The following TCF25 variants were observed in gnomAD, a reference collection of about 807,000 sequenced individuals.
TCF25 encodes TCF25 ribosome quality control complex subunit, also known as ribosome quality control complex subunit TCF25.
Under a neutral mutation model 83.1 loss-of-function variants are expected in TCF25, and 41 were observed. That is an observed-to-expected ratio of 0.49 (90% CI 0.38 to 0.64). TCF25 has a LOEUF of 0.64. TCF25 is among the 30% of genes least tolerant of loss of function. The pLI, the probability that TCF25 is intolerant of heterozygous loss-of-function variation, is 0.00. For missense variants in TCF25, 979 were observed against 914.5 expected (o/e 1.07, Z -0.91); for synonymous variants, 458 against 365.0 (o/e 1.25, Z -2.90).
chr16:89,900,159 C>G (rs1302602421), intron 11 of TCF25, among the ~76,000 whole-genome samples: 1 of 151,918 alleles, frequency 6.6e-6, no homozygotes, highest in South Asian at 2.1e-4. Flanking sequence ...AGTCACATGT[C>G]TACAATATGT....
At chr16:89,886,485 G>T (rs889421045) in intron 4 of TCF25, among the ~76,000 whole-genome samples, 1 of 151,118 alleles carries the variant, frequency 6.6e-6, no homozygotes, top group Non-Finnish European at 1.5e-5. Flanking sequence ...GAAATAGGCC[G>T]GGCCCGGTGG....
chr16:89,873,785 A>C lies in TCF25; in HGVS notation c.118A>C (p.Lys40Gln). 6.2e-7 allele frequency: 1 copy of C among 1,607,456 alleles called. No individual in the cohort carries two copies. The highest frequency in any genetic ancestry group is 8.5e-7 in the Non-Finnish European group (1 of 1,177,760). The stretch of plus-strand genomic sequence containing the variant: ...CGATGACGCGGAAGAAGAAGGGCCC[A>C]AGCGGGAGCTTGGTGTCCGGCGTCC... ...DDDDAEEEGP[K>Q]RELGVRRPGG... Residue 40 changes from lysine to glutamine, a missense_variant, in exon 1 of 18, where the codon AAG becomes CAG. Transcript: ENST00000263346.
intron 1 of TCF25, chr16:89,878,454 T>TTG (rs1264727703): frequency 1.6e-6 from 2 of 1,247,306 alleles, no homozygotes; most frequent in African/African-American, 3.2e-5. Context: ...TTTTTTTTTT[T>TTG]TTTTAGGAAA....
At chr16:89,886,799 T>G (rs1192628405) in intron 4 of TCF25, among the ~76,000 whole-genome samples, 1 of 150,130 alleles carries the variant, frequency 6.7e-6, no homozygotes, top group Non-Finnish European at 1.5e-5. Flanking sequence ...TAGCTGGATG[T>G]GGTGGTGGGT....
chr16:89,906,934 T>C (rs1014856705), intron 15 of TCF25, among the ~76,000 whole-genome samples: 4 of 152,022 alleles, frequency 2.6e-5, no homozygotes, highest in African/African-American at 9.7e-5. Context: ...TTCTGACACG[T>C]GGTGAAGATG....
At chr16:89,907,578 C>G (rs114999974) in intron 16 of TCF25, among the ~76,000 whole-genome samples, 6 of 24,780 alleles carry the variant, frequency 2.4e-4, no homozygotes, top group African/African-American at 7.7e-4. Context: ...CCAGCTTCTG[C>G]CTCCCTCCTC....
intron 16 of TCF25, among the ~76,000 whole-genome samples, chr16:89,907,625 C>CA: frequency 7.0e-6 from 1 of 143,210 alleles, no homozygotes; most frequent in Middle Eastern, 3.5e-3. Context: ...TCCCAGCTCC[C>CA]GCCTCCCTCA....
At chr16:89,904,636 A>C in intron 13 of TCF25, 1 of 530,116 alleles carries the variant, frequency 1.9e-6, no homozygotes, top group South Asian at 2.0e-5. Context: ...CCTTGGGGTC[A>C]TCCCCTGGCC....
At chr16:89,896,585 A>G (rs1174902019) in intron 9 of TCF25, among the ~76,000 whole-genome samples, 12 of 127,588 alleles carry the variant, frequency 9.4e-5, no homozygotes, top group Non-Finnish European at 9.5e-5. Flanking sequence ...ACGGAGTCTC[A>G]CTCTGTCACC....
intron 5 of TCF25, chr16:89,889,547 G>C (rs1305645986): frequency 6.3e-6 from 1 of 158,152 alleles, no homozygotes; most frequent in Non-Finnish European, 1.4e-5. Context: ...TTGCACGTCT[G>C]AGTTCTTTTT....
chr16:89,908,185 G>A (rs1252798741), intron 16 of TCF25, among the ~76,000 whole-genome samples: 59 of 45,356 alleles, frequency 1.3e-3, no homozygotes, highest in Middle Eastern at 0.02. Flanking sequence ...TCCAGCTCCC[G>A]CCTCCCTCCT....
intron 1 of TCF25, among the ~76,000 whole-genome samples, chr16:89,877,046 G>A (rs1420190027): frequency 6.6e-6 from 1 of 151,408 alleles, no homozygotes; most frequent in African/African-American, 2.4e-5. Context: ...AGGTTGCAAT[G>A]AACTGAGATT....
Position 89,904,134 on chromosome 16 carries a change from C to G in TCF25, c.1398C>G (p.Leu466=). 3 of 1,607,280 alleles carry G rather than the reference C, an allele frequency of 1.9e-6. No homozygotes were observed. The highest frequency in any genetic ancestry group is 1.1e-5 in the South Asian group (1 of 89,496). The stretch of plus-strand genomic sequence containing the variant: ...CCCCTGCAGTCCTCCTGCCCCTGCT[C>G]GAGTCTTGCAGTGTGCGGCCCGACG... ...TMFPGVLLPL[L]ESCSVRPDAS... The change falls in exon 13 of 18, where the codon CTC becomes CTG. Residue 466 remains leucine, a synonymous_variant. Transcript: ENST00000263346.
intron 16 of TCF25, among the ~76,000 whole-genome samples, chr16:89,907,682 ACCTCCCT>A (rs1464716106): frequency 6.2e-5 from 1 of 16,008 alleles, no homozygotes; most frequent in African/African-American, 2.6e-4. Flanking sequence ...CCCACCTCCC[ACCTCCCT>A]CCTTTCACCT....
intron 5 of TCF25, among the ~76,000 whole-genome samples, chr16:89,888,040 C>G (rs1272517935): frequency 1.3e-5 from 2 of 152,004 alleles, no homozygotes; most frequent in African/African-American, 4.8e-5. Flanking sequence ...CTGAGGCGGA[C>G]AGATCACCTG....
At chr16:89,901,429 G>A (rs914065143) in intron 12 of TCF25, among the ~76,000 whole-genome samples, 3 of 151,406 alleles carry the variant, frequency 2.0e-5, no homozygotes, top group Non-Finnish European at 4.4e-5. Flanking sequence ...GGCTGTGAGG[G>A]GTGAGGGTGA....
chr16:89,909,537 G>T (rs1370375492), intron 16 of TCF25: 1 of 165,300 alleles, frequency 6.0e-6, no homozygotes, highest in East Asian at 1.7e-4. Context: ...AAAAAATTGG[G>T]CGTGGTGGGT....
At chr16:89,894,387 C>T (rs1160277092) in intron 7 of TCF25, among the ~76,000 whole-genome samples, 2 of 150,782 alleles carry the variant, frequency 1.3e-5, no homozygotes, top group Non-Finnish European at 3.0e-5. Flanking sequence ...CAGCCCCAGA[C>T]AGCCCCCGGG....
intron 12 of TCF25, among the ~76,000 whole-genome samples, chr16:89,902,917 G>A (rs1021176511): frequency 6.6e-6 from 1 of 152,186 alleles, no homozygotes. Flanking sequence ...TCTGGGCCCC[G>A]AGGAGGCCCA....
Sources: gnomAD v4.1 joint callset for allele counts (sites outside exome capture counted in the v4.1 genomes callset) on GRCh38, gnomAD v4.1.1 for gene constraint, MANE v1.5 for transcripts, NCBI Gene and HGNC (gene_info 2026-07-23, HGNC 2026-07-21) for gene names.